SLC24A2: variants seen among roughly 807,000 people sequenced by gnomAD.
The protein encoded by SLC24A2 is solute carrier family 24 member 2.
A neutral mutation model predicts 62.0 loss-of-function variants in SLC24A2; 36 were observed. The ratio of observed to expected loss-of-function variants is 0.58; its 90% confidence interval spans 0.44 to 0.77. SLC24A2 has a LOEUF of 0.77. Among genes scored for constraint, SLC24A2 ranks in the 30% least tolerant of loss-of-function variants. The pLI is 0.00. For synonymous variants in SLC24A2, 358 were observed against 294.0 expected (o/e 1.22, Z -2.23); for missense variants, 846 against 817.9 (o/e 1.03, Z -0.42).
the SLC24A2 span, among the ~76,000 whole-genome samples, chr9:20,098,549 C>T: frequency 2.6e-5 from 4 of 152,218 alleles, no homozygotes; most frequent in Non-Finnish European, 4.4e-5. Context: ...GCCTTATGCT[C>T]CAAACATAAG....
chr9:19,872,796 G>T, the SLC24A2 span, among the ~76,000 whole-genome samples: 1 of 152,086 alleles, frequency 6.6e-6, no homozygotes, highest in Non-Finnish European at 1.5e-5. Flanking sequence ...GGCAGTCCTG[G>T]GTCTTCTTGT....
chr9:19,865,530 C>T, the SLC24A2 span, among the ~76,000 whole-genome samples: 2 of 152,048 alleles, frequency 1.3e-5, no homozygotes, highest in Admixed American at 1.3e-4. Flanking sequence ...GAAGAGAGAA[C>T]CCAGAAACAA....
At chr9:20,145,311 T>C in the SLC24A2 span, among the ~76,000 whole-genome samples, 1 of 152,016 alleles carries the variant, frequency 6.6e-6, no homozygotes, top group East Asian at 1.9e-4. Flanking sequence ...AAGTAAGGGT[T>C]ATAGTGGGGG....
At chr9:19,897,422 T>C in the SLC24A2 span, among the ~76,000 whole-genome samples, 11 of 152,176 alleles carry the variant, frequency 7.2e-5, no homozygotes, top group East Asian at 1.9e-4. Context: ...ACAGCTTACA[T>C]AGAATCCTTT....
At chr9:20,088,377 G>C in the SLC24A2 span, among the ~76,000 whole-genome samples, 2 of 152,094 alleles carry the variant, frequency 1.3e-5, no homozygotes, top group African/African-American at 4.8e-5. Flanking sequence ...TAGAGAATCA[G>C]AGGCAACTAG....
the SLC24A2 span, among the ~76,000 whole-genome samples, chr9:20,171,034 A>G: frequency 6.6e-6 from 1 of 152,078 alleles, no homozygotes; most frequent in Admixed American, 6.6e-5. Flanking sequence ...CAGAAACCCT[A>G]CAAACTAGAA....
the SLC24A2 span, among the ~76,000 whole-genome samples, chr9:20,096,941 G>C: frequency 6.6e-6 from 1 of 152,200 alleles, no homozygotes; most frequent in East Asian, 1.9e-4. Flanking sequence ...AAGGCAGAAT[G>C]ACATGCACTG....
chr9:19,554,434 C>T (rs1485379367), intron 7 of SLC24A2, among the ~76,000 whole-genome samples: 3 of 152,282 alleles, frequency 2.0e-5, no homozygotes, highest in Non-Finnish European at 2.9e-5. Context: ...AAATTCTACC[C>T]CATTTTATAT....
chr9:19,610,643 C>G (rs1837130330), intron 4 of SLC24A2, among the ~76,000 whole-genome samples: 1 of 152,146 alleles, frequency 6.6e-6, no homozygotes, highest in African/African-American at 2.4e-5. Context: ...AAATACTGAC[C>G]AAGCACCTAC....
chr9:19,774,174 G>C (rs981655188), intron 2 of SLC24A2, among the ~76,000 whole-genome samples: 1 of 152,176 alleles, frequency 6.6e-6, no homozygotes, highest in African/African-American at 2.4e-5. Flanking sequence ...AAGAGACCAG[G>C]AGAAGTGTAT....
chr9:19,681,362 A>G (rs1029385838), intron 2 of SLC24A2, among the ~76,000 whole-genome samples: 3 of 152,152 alleles, frequency 2.0e-5, no homozygotes, highest in African/African-American at 7.2e-5. Context: ...ACCTCTCTGC[A>G]CCGCAGAACT....
At chr9:19,726,816 G>T (rs1053051003) in intron 2 of SLC24A2, among the ~76,000 whole-genome samples, 2 of 152,160 alleles carry the variant, frequency 1.3e-5, no homozygotes, top group African/African-American at 4.8e-5. Flanking sequence ...CATATTCAAC[G>T]TGATATACAC....
intron 2 of SLC24A2, among the ~76,000 whole-genome samples, chr9:19,721,485 C>G (rs897433413): frequency 6.6e-6 from 1 of 152,072 alleles, no homozygotes; most frequent in African/African-American, 2.4e-5. Context: ...TCCAATATAA[C>G]TAAACATTAA....
Position 19,530,755 on chromosome 9 carries a change from T to A in SLC24A2, c.1480-2617A>T, listed in dbSNP as rs138781652. ...TTAATGGGCATCGAACCATACCTAA[T>A]GTTGCATTAGGGGCTCAATGAAGAA... On this transcript the variant is annotated intron_variant, in intron 8 of 10. Transcript: ENST00000341998. Among the ~76,000 whole-genome samples the A allele has an allele frequency of 8.5e-5, 13 of 152,306 alleles. No homozygotes were observed. The East Asian group carries it at 2.5e-3, about 29-fold the overall frequency.
At position 19,785,953 on chromosome 9, in the gene SLC24A2, G is replaced by C. The variant is rs1564100244; in HGVS notation, c.914C>G (p.Pro305Arg). 1 of 1,614,006 alleles carries C rather than the reference G, an allele frequency of 6.2e-7. No homozygotes were observed. The change falls in exon 2 of 11, where the codon CCA (proline) becomes CGA (arginine). Residue 305 changes from proline to arginine, a missense_variant. Transcript: ENST00000341998. Reference protein sequence around the residue: ...NRNKVVKVTAPEAQAKPSAAR... With the variant: ...NRNKVVKVTAREAQAKPSAAR... ...ACCACCAACCTTTGCTTGGGCTTCTGGTGCTGTCACCTTGACGACCTTATT... is the reference window on the plus strand; with the variant it reads ...ACCACCAACCTTTGCTTGGGCTTCTCGTGCTGTCACCTTGACGACCTTATT...
chr9:19,626,269 A>G (rs1818032889), intron 2 of SLC24A2, among the ~76,000 whole-genome samples: 1 of 152,238 alleles, frequency 6.6e-6, no homozygotes. Flanking sequence ...AAATTAGGCC[A>G]ATACTGCAGT....
the SLC24A2 span, among the ~76,000 whole-genome samples, chr9:20,010,958 C>T: frequency 2.2e-4 from 33 of 152,212 alleles, no homozygotes; most frequent in Non-Finnish European, 7.4e-5. Flanking sequence ...TTTATGGCTG[C>T]ATGGTATTCC....
At chr9:19,526,429 AT>A (rs1833450356) in intron 9 of SLC24A2, among the ~76,000 whole-genome samples, 1 of 152,158 alleles carries the variant, frequency 6.6e-6, no homozygotes, top group Non-Finnish European at 1.5e-5. Context: ...CTGCCAAACT[AT>A]TTCCCAAAGT....
chr9:19,840,261 C>T, the SLC24A2 span, among the ~76,000 whole-genome samples: 1 of 152,076 alleles, frequency 6.6e-6, no homozygotes, highest in Non-Finnish European at 1.5e-5. Context: ...CCTAGGTAGC[C>T]TCTTTCAACA....
Sources: gnomAD v4.1 joint callset for allele counts (sites outside exome capture counted in the v4.1 genomes callset) on GRCh38, gnomAD v4.1.1 for gene constraint, MANE v1.5 for transcripts, NCBI Gene and HGNC (gene_info 2026-07-23, HGNC 2026-07-21) for gene names.